NEU3: variants seen among roughly 807,000 people sequenced by gnomAD.
The protein encoded by NEU3 is sialidase-3.
In NEU3, 10 loss-of-function variants were observed where a neutral mutation model predicts 11.4. The observed-to-expected ratio is 0.88, with a 90% CI of 0.54 to 1.49. The LOEUF (loss-of-function observed/expected upper bound fraction) is 1.49. Among genes scored for constraint, NEU3 ranks in the 40% most tolerant of loss-of-function variants. The pLI is 0.00. For missense variants in NEU3, 529 were observed against 581.8 expected, an observed-to-expected ratio of 0.91 and a Z score of 0.93; for synonymous variants, 212 against 228.2, an observed-to-expected ratio of 0.93 and a Z score of 0.64.
At chr11:75,001,659 T>C (rs1188532310) in intron 2 of NEU3, among the ~76,000 whole-genome samples, 4 of 152,226 alleles carry the variant, frequency 2.6e-5, no homozygotes, top group Non-Finnish European at 5.9e-5. Context: ...AAGCCTCAGC[T>C]TGTTTTATAT....
chr11:75,006,207 A>C lies in NEU3; in HGVS notation c.1101A>C (p.Pro367=), dbSNP rs527548797. ...AATCATGGCTCTTGTACTCACACCC[A>C]ACCAGTAGGAAACAGAGGGTTGACC... ...PSESWLLYSH[P]TSRKQRVDLG... The change falls in exon 3 of 3, where the codon CCA becomes CCC. Residue 367 remains proline, a synonymous_variant. Transcript: ENST00000294064. 1.9e-6 allele frequency: 3 copies of C among 1,613,962 alleles called. No homozygotes were observed. The highest frequency in any genetic ancestry group is 1.7e-5 in the Admixed American group (1 of 60,026).
intron 1 of NEU3, among the ~76,000 whole-genome samples, chr11:74,994,291 C>T (rs1948762757): frequency 6.6e-6 from 1 of 152,202 alleles, no homozygotes; most frequent in South Asian, 2.1e-4. Context: ...AGAATTCCCA[C>T]AGGGTCTGGA....
downstream of NEU3, among the ~76,000 whole-genome samples, chr11:75,020,570 G>A (rs931609680): frequency 2.1e-4 from 32 of 152,178 alleles, no homozygotes; most frequent in African/African-American, 7.2e-4. Context: ...TTTGCCTGCT[G>A]CTATCCATGT....
At chr11:74,995,251 G>A (rs762359361) in intron 2 of NEU3, among the ~76,000 whole-genome samples, 3 of 152,142 alleles carry the variant, frequency 2.0e-5, no homozygotes, top group Admixed American at 6.5e-5. Flanking sequence ...TAATAACCAC[G>A]CTTCTACTAC....
intron 1 of NEU3, among the ~76,000 whole-genome samples, chr11:74,993,236 C>T (rs891458997): frequency 1.1e-4 from 17 of 152,198 alleles, no homozygotes; most frequent in South Asian, 6.2e-4. Flanking sequence ...TGGAGTCTTG[C>T]TCCGTCTCCC....
chr11:75,015,723 C>T (rs1948977943), downstream of NEU3, among the ~76,000 whole-genome samples: 1 of 152,202 alleles, frequency 6.6e-6, no homozygotes, highest in Admixed American at 6.5e-5. Context: ...AGGAGGAATA[C>T]AGACTGTTAC....
At chr11:74,996,127 CT>C (rs1173383881) in intron 2 of NEU3, among the ~76,000 whole-genome samples, 1 of 152,128 alleles carries the variant, frequency 6.6e-6, no homozygotes, top group Non-Finnish European at 1.5e-5. Flanking sequence ...GCCCTCCCGC[CT>C]GGGGGACAGA....
At chr11:75,019,383 C>T (rs973383210), downstream of NEU3, among the ~76,000 whole-genome samples, 1 of 152,142 alleles carries the variant, frequency 6.6e-6, no homozygotes, top group African/African-American at 2.4e-5. Flanking sequence ...ATGGGCTGGG[C>T]CCAGGGTCCC....
upstream of NEU3, among the ~76,000 whole-genome samples, chr11:74,987,898 C>CTT (rs58508078): frequency 9.0e-5 from 2 of 22,328 alleles, no homozygotes; most frequent in African/African-American, 2.0e-4. Flanking sequence ...TTTTTTTTTT[C>CTT]TTTTTTTTTT....
chr11:74,999,165 T>A (rs1948819910), intron 2 of NEU3, among the ~76,000 whole-genome samples: 2 of 152,164 alleles, frequency 1.3e-5, no homozygotes, highest in South Asian at 4.1e-4. Flanking sequence ...AGACGAGCCC[T>A]CTCTGCATTG....
At chr11:75,002,005 C>T (rs895901055) in intron 2 of NEU3, among the ~76,000 whole-genome samples, 1 of 152,150 alleles carries the variant, frequency 6.6e-6, no homozygotes, top group African/African-American at 2.4e-5. Flanking sequence ...GGGGACTCTT[C>T]CGTGGGATGG....
chr11:74,998,995 AT>A (rs1948818296), intron 2 of NEU3, among the ~76,000 whole-genome samples: 1 of 151,996 alleles, frequency 6.6e-6, no homozygotes, highest in Non-Finnish European at 1.5e-5. Flanking sequence ...TTTTAATCCT[AT>A]TTTTTAGAGA....
chr11:74,985,651 G>C (rs1948661128), upstream of NEU3, among the ~76,000 whole-genome samples: 1 of 152,170 alleles, frequency 6.6e-6, no homozygotes, highest in African/African-American at 2.4e-5. Flanking sequence ...GATAAAATAA[G>C]GACACATCTG....
chr11:75,004,824 A>T (rs533855304), intron 2 of NEU3, among the ~76,000 whole-genome samples: 4 of 151,978 alleles, frequency 2.6e-5, no homozygotes, highest in South Asian at 2.1e-4. Flanking sequence ...AGGGAAAAAA[A>T]TTTGTCTTAA....
At chr11:74,983,474 A>G (rs1948650779), upstream of NEU3, among the ~76,000 whole-genome samples, 1 of 152,212 alleles carries the variant, frequency 6.6e-6, no homozygotes, top group Non-Finnish European at 1.5e-5. Flanking sequence ...CCAAGGTGAA[A>G]TATCCTGAGT....
chr11:75,003,911 C>A (rs906906815), intron 2 of NEU3, among the ~76,000 whole-genome samples: 2 of 152,150 alleles, frequency 1.3e-5, no homozygotes, highest in South Asian at 4.2e-4. Context: ...TTATGGAAAT[C>A]TTTCCATATC....
intron 1 of NEU3, 141 bp from the exon 2 acceptor site, chr11:74,994,368 G>A (rs1250163261): frequency 3.6e-5 from 21 of 580,120 alleles, no homozygotes; most frequent in Non-Finnish European, 6.3e-5. Context: ...GAGAGCATAT[G>A]TTATTCTTGT....
chr11:75,011,584 A>G (rs915636900), downstream of NEU3, among the ~76,000 whole-genome samples: 1 of 152,200 alleles, frequency 6.6e-6, no homozygotes, highest in Admixed American at 6.5e-5. Context: ...GAAAGAAGGG[A>G]GCCAGGCAGA....
At chr11:75,012,544 G>A (rs1002701902), downstream of NEU3, among the ~76,000 whole-genome samples, 2 of 152,208 alleles carry the variant, frequency 1.3e-5, no homozygotes, top group Admixed American at 1.3e-4. Context: ...CAGGCCTGAC[G>A]GTAGATAGTA....
Sources: allele counts gnomAD v4.1 joint callset (sites outside exome capture counted in the v4.1 genomes callset), GRCh38; gene constraint gnomAD v4.1.1; transcripts MANE v1.5; gene names NCBI Gene and HGNC (gene_info 2026-07-23, HGNC 2026-07-21).